The following LRRK2 variants were observed in gnomAD, a reference collection of about 807,000 sequenced individuals.
The protein encoded by LRRK2 is leucine rich repeat kinase 2.
LRRK2 carries 203 observed loss-of-function variants against 302.6 expected under a neutral mutation model. The observed-to-expected ratio is 0.67, with a 90% CI of 0.60 to 0.75. LRRK2 has a LOEUF of 0.75. Ranked by LOEUF, LRRK2 falls within the 30% of genes least tolerant of loss-of-function variation. The pLI is 0.00. For missense variants in LRRK2, 2,830 were observed against 2,951.0 expected, an observed-to-expected ratio of 0.96 and a Z score of 0.95; for synonymous variants, 1,066 against 1,031.9, an observed-to-expected ratio of 1.03 and a Z score of -0.63.
At position 40,249,815 on chromosome 12, in the gene LRRK2, T is replaced by C; in HGVS notation, c.839-11T>C. On this transcript the variant is annotated splice_polypyrimidine_tract_variant and intron_variant, in intron 7 of 50. Transcript: ENST00000298910. Reference sequence around the variant, plus strand: ...GATGAGAATTCAGCTAATGTTTCACTTAACTTTTAGGTAATTTTTTCAATA... The same window carrying C: ...GATGAGAATTCAGCTAATGTTTCACCTAACTTTTAGGTAATTTTTTCAATA... 6.2e-7 allele frequency: 1 copy of C among 1,613,400 alleles called. No individual in the cohort carries two copies.
chr12:40,238,988 C>T (rs1251562117), intron 5 of LRRK2, among the ~76,000 whole-genome samples: 4 of 152,096 alleles, frequency 2.6e-5, no homozygotes, highest in African/African-American at 9.7e-5. Flanking sequence ...TTTCTAAGGT[C>T]CTGCATATTT....
rs201823680 is a variant in LRRK2 at position 40,283,932 on chromosome 12, C to T, written c.2299C>T (p.Arg767Cys). The T allele has an allele frequency of 5.9e-5, 95 of 1,613,532 alleles. No individual in the cohort carries two copies. The highest frequency in any genetic ancestry group is 7.0e-5 in the Non-Finnish European group (82 of 1,179,734). Reference sequence around the variant, plus strand: ...GGAACTCTTACTGAATAGTGGATCTCGTGAACAAGATGTACGAAAAGCGTT... The same window carrying T: ...GGAACTCTTACTGAATAGTGGATCTTGTGAACAAGATGTACGAAAAGCGTT... ...LVELLLNSGS[R>C]EQDVRKALTI... The change falls in exon 19 of 51, where the codon CGT (arginine) becomes TGT (cysteine). Residue 767 changes from arginine (R) to cysteine (C), a missense_variant. Physicochemically the swap from Arg to Cys is radical, Grantham distance 180. This residue lies in a region of LRRK2 where 2,121 missense variants were observed against 2,148.0 expected (regional missense o/e 0.99). Coordinates refer to ENST00000298910, the MANE Select transcript of LRRK2 (RefSeq NM_198578.4).
intron 10 of LRRK2, among the ~76,000 whole-genome samples, chr12:40,252,077 A>G (rs1942299282): frequency 6.6e-6 from 1 of 151,916 alleles, no homozygotes; most frequent in Non-Finnish European, 1.5e-5. Flanking sequence ...TAAGACCGGC[A>G]CTCTCTCCCA....
At chr12:40,266,009 G>T (rs1942995891) in intron 14 of LRRK2, among the ~76,000 whole-genome samples, 1 of 152,132 alleles carries the variant, frequency 6.6e-6, no homozygotes, top group African/African-American at 2.4e-5. Context: ...ATTCAAGATG[G>T]TTTAAAGACT....
At chr12:40,360,432 TC>T (rs1397224308) in intron 47 of LRRK2, among the ~76,000 whole-genome samples, 1 of 152,006 alleles carries the variant, frequency 6.6e-6, no homozygotes, top group Non-Finnish European at 1.5e-5. Context: ...CACTTGACCC[TC>T]CTAATTGTCA....
intron 31 of LRRK2, among the ~76,000 whole-genome samples, chr12:40,311,565 T>C (rs765227295): frequency 6.6e-6 from 1 of 152,204 alleles, no homozygotes; most frequent in Non-Finnish European, 1.5e-5. Flanking sequence ...AGCATAATTA[T>C]GTAATAGTGT....
intron 41 of LRRK2, among the ~76,000 whole-genome samples, chr12:40,343,079 C>T (rs1232169519): frequency 6.6e-6 from 1 of 152,172 alleles, no homozygotes; most frequent in African/African-American, 2.4e-5. Flanking sequence ...GGACAAAATG[C>T]AAACCCAAGC....
chr12:40,247,635 T>A (rs540613675), intron 7 of LRRK2, among the ~76,000 whole-genome samples: 1 of 89,540 alleles, frequency 1.1e-5, no homozygotes, highest in African/African-American at 3.4e-5. Flanking sequence ...TAAATATACA[T>A]ATTTATACAC....
At chr12:40,268,941 A>C (rs190752269) in intron 14 of LRRK2, among the ~76,000 whole-genome samples, 89 of 152,300 alleles carry the variant, frequency 5.8e-4, no homozygotes, top group Admixed American at 9.2e-4. Flanking sequence ...GGGAAAAGCA[A>C]AGAAAGCTGA....
chr12:40,228,231 TC>T (rs1187722207), intron 2 of LRRK2, among the ~76,000 whole-genome samples: 1 of 152,138 alleles, frequency 6.6e-6, no homozygotes, highest in Non-Finnish European at 1.5e-5. Context: ...TTTTTCTGCA[TC>T]CTTACCAGCA....
intron 25 of LRRK2, among the ~76,000 whole-genome samples, chr12:40,299,764 C>T (rs1368371065): frequency 6.6e-6 from 1 of 152,020 alleles, no homozygotes; most frequent in Non-Finnish European, 1.5e-5. Context: ...AATATTGGCT[C>T]ATTGATTGGA....
chr12:40,312,954 A>C (rs1307976957), intron 31 of LRRK2: 1 of 150,690 alleles, frequency 6.6e-6, no homozygotes, highest in Non-Finnish European at 1.5e-5. Context: ...GATACATGAA[A>C]ACAGTCTCTT....
At chr12:40,265,595 G>A (rs954313182) in intron 14 of LRRK2, among the ~76,000 whole-genome samples, 2 of 152,144 alleles carry the variant, frequency 1.3e-5, no homozygotes, top group Non-Finnish European at 2.9e-5. Context: ...AACATGTGCA[G>A]TAGCTGTACA....
rs149592978 is a variant in LRRK2, at chr12:40,322,436, C to T, written c.5435C>T (p.Ala1812Val). ...GEGETLLKKWALYSFNDGEEH... is the reference protein window; with the variant it reads ...GEGETLLKKWVLYSFNDGEEH... ...GGAGAAACTCTGTTGAAGAAATGGG[C>T]ATTATATAGTTTTAATGATGGTGAA... Residue 1812 changes from alanine (A) to valine (V), a missense_variant, in exon 37 of 51, where the codon GCA becomes GTA. Ala to Val is a moderately conservative substitution (Grantham distance 64). Around this residue, in one of 3 missense-constraint regions of LRRK2, gnomAD observed 2,121 missense variants for 2,148.0 expected, o/e 0.99. Coordinates refer to ENST00000298910, the MANE Select transcript of LRRK2 (RefSeq NM_198578.4). The T allele has an allele frequency of 3.3e-5, 53 of 1,612,960 alleles. 1 individual carries two copies. The Middle Eastern group carries it at 6.6e-4, about 20-fold the overall frequency.
intron 14 of LRRK2, among the ~76,000 whole-genome samples, chr12:40,265,843 T>C (rs1465847372): frequency 1.3e-5 from 2 of 152,022 alleles, no homozygotes; most frequent in Non-Finnish European, 2.9e-5. Context: ...TCAGAAATAA[T>C]GCCGCATATC....
rs756163748 is a variant in LRRK2, at chr12:40,283,856, A to T, written c.2242-19A>T. The T allele has an allele frequency of 6.3e-7, 1 of 1,599,832 alleles. No homozygotes were observed. Among genetic ancestry groups the T allele is most frequent in the Admixed American group, 1.7e-5 (1 of 59,422 alleles). On this transcript the variant is annotated intron_variant, in intron 18 of 50. Transcript: ENST00000298910. ...AAAAATGTAGATTTTTAATATACTT[A>T]ATTTTTTTTCTTTAATAGGTATGTG...
chr12:40,366,102 G>A (rs183226543), intron 49 of LRRK2: 2 of 151,916 alleles, frequency 1.3e-5, no homozygotes, highest in African/African-American at 2.4e-5. Flanking sequence ...CCTACAAGGT[G>A]CTGCATGAGC....
intron 42 of LRRK2, among the ~76,000 whole-genome samples, chr12:40,347,511 C>T (rs1434720232): frequency 1.3e-5 from 2 of 152,154 alleles, no homozygotes; most frequent in East Asian, 3.8e-4. Context: ...TTAAAAAATA[C>T]TTTTGAGTGT....
At chr12:40,307,093 T>G (rs1054509423) in intron 28 of LRRK2, among the ~76,000 whole-genome samples, 1 of 151,574 alleles carries the variant, frequency 6.6e-6, no homozygotes, top group South Asian at 2.1e-4. Context: ...TTTAAACATG[T>G]TTAACATTTT....
Sources: gnomAD v4.1 joint callset for allele counts (sites outside exome capture counted in the v4.1 genomes callset) on GRCh38, gnomAD v4.1.1 for gene constraint, gnomAD v4.1.1 regional missense constraint, MANE v1.5 for transcripts, NCBI Gene and HGNC (gene_info 2026-07-23, HGNC 2026-07-21) for gene names.